Variants in TRHDE observed in about 807,000 individuals in gnomAD.
TRHDE encodes thyrotropin releasing hormone degrading enzyme, also known as thyrotropin-releasing hormone-degrading ectoenzyme.
In TRHDE, 72 loss-of-function variants were observed where a neutral mutation model predicts 125.7. That is an observed-to-expected ratio of 0.57 (90% CI 0.47 to 0.70). The LOEUF (loss-of-function observed/expected upper bound fraction) is 0.70, where lower values mean the gene tolerates loss of function less well. Ranked by LOEUF, TRHDE falls within the 30% of genes least tolerant of loss-of-function variation. The pLI is 0.00. For missense variants in TRHDE, 1,110 were observed against 1,327.1 expected, an observed-to-expected ratio of 0.84 and a Z score of 2.54; for synonymous variants, 509 against 509.1, an observed-to-expected ratio of 1.00 and a Z score of 0.00.
Position 72,670,204 on chromosome 12 carries a change from T to A in TRHDE, c.*7009T>A, listed in dbSNP as rs1182788359. 6.6e-6 allele frequency: 1 copy of A among 151,844 alleles called. No individual in the cohort carries two copies. Among genetic ancestry groups the A allele is most frequent in the Non-Finnish European group, 1.5e-5 (1 of 67,860 alleles). 9.4% of individuals were successfully genotyped at this position (151,844 alleles called of 1,614,324 possible). ...TATGATTTAGGAATTAAAAAGTAGC[T>A]GTTCTTTCAGTAAATAAGTGTTAAT... is the stretch of plus-strand genomic sequence containing the variant. On this transcript the variant is annotated 3_prime_UTR_variant, in exon 19 of 19. Transcript: ENST00000261180.
At chr12:72,186,107 C>T (rs544509831) in intron 2 of TRHDE, 1 of 152,544 alleles carries the variant, frequency 6.6e-6, no homozygotes, top group East Asian at 1.9e-4. Context: ...GGGTCCCCTT[C>T]CACATTGTGG....
chr12:72,562,308 ATTGAC>A (rs1870216493), intron 8 of TRHDE, 78 bp downstream of exon 8: 1 of 694,340 alleles, frequency 1.4e-6, no homozygotes, highest in African/African-American at 1.8e-5. Context: ...CATAGCCTTT[ATTGAC>A]ACCTGATAGT....
intron 7 of TRHDE, among the ~76,000 whole-genome samples, chr12:72,559,450 C>CTA (rs1165660276): frequency 6.6e-6 from 1 of 152,134 alleles, no homozygotes; most frequent in African/African-American, 2.4e-5. Flanking sequence ...AACCACTATG[C>CTA]TATGATACCT....
In TRHDE at chr12:72,575,338, G is replaced by A; in HGVS notation, c.2215G>A (p.Asp739Asn). 1 of 1,613,562 alleles carries A rather than the reference G, an allele frequency of 6.2e-7. No homozygotes were observed. The highest frequency in any genetic ancestry group is 8.5e-7 in the Non-Finnish European group (1 of 1,179,686). Residue 739 changes from aspartate to asparagine, a missense_variant, in exon 11 of 19, where the codon GAC becomes AAC. By Grantham distance (23) the Asp-to-Asn change is conservative. Around this residue, in one of 5 missense-constraint regions of TRHDE, gnomAD observed 527 missense variants for 651.8 expected, o/e 0.81. Coordinates refer to ENST00000261180, the MANE Select transcript of TRHDE (RefSeq NM_013381.3). ...NQTGYFRVNYDLRNWRLLIDQ... is the reference protein window; with the variant it reads ...NQTGYFRVNYNLRNWRLLIDQ... ...AACTGGCTATTTTAGAGTCAACTATGACCTAAGGAACTGGAGATTATTAAT... is the reference window on the plus strand; with the variant it reads ...AACTGGCTATTTTAGAGTCAACTATAACCTAAGGAACTGGAGATTATTAAT...
At chr12:72,497,569 C>T (rs1040289984) in intron 5 of TRHDE, among the ~76,000 whole-genome samples, 13 of 152,118 alleles carry the variant, frequency 8.5e-5, no homozygotes, top group Admixed American at 6.5e-4. Context: ...AATGGAATCA[C>T]ACTTTTAATT....
At chr12:72,582,124 A>AG (rs1319003083) in intron 12 of TRHDE, 1 of 388,358 alleles carries the variant, frequency 2.6e-6, no homozygotes, top group Non-Finnish European at 3.5e-6. Flanking sequence ...AAAAAAAAAA[A>AG]AAGTGCTGTA....
intron 2 of TRHDE, among the ~76,000 whole-genome samples, chr12:72,319,203 A>G (rs1868957852): frequency 1.3e-5 from 2 of 152,192 alleles, no homozygotes; most frequent in African/African-American, 2.4e-5. Context: ...AGAAAGGTCA[A>G]GTGCTGTAGC....
intron 15 of TRHDE, among the ~76,000 whole-genome samples, chr12:72,642,136 G>T (rs1874091623): frequency 1.3e-5 from 2 of 152,132 alleles, no homozygotes; most frequent in Non-Finnish European, 2.9e-5. Context: ...AGCCTCCAGT[G>T]CTGTGAGAAA....
At chr12:72,605,161 T>A (rs900380051) in intron 12 of TRHDE, among the ~76,000 whole-genome samples, 2 of 152,108 alleles carry the variant, frequency 1.3e-5, no homozygotes, top group Non-Finnish European at 2.9e-5. Context: ...CCTGGATGTT[T>A]TATAAACTAT....
At chr12:72,156,516 C>T (rs535863737) in intron 2 of TRHDE, among the ~76,000 whole-genome samples, 17 of 152,244 alleles carry the variant, frequency 1.1e-4, no homozygotes, top group Non-Finnish European at 2.2e-4. Flanking sequence ...TGGATCTGTT[C>T]CTATGCGGCC....
chr12:72,496,173 C>T (rs1246991810), intron 5 of TRHDE, among the ~76,000 whole-genome samples: 1 of 152,186 alleles, frequency 6.6e-6, no homozygotes, highest in African/African-American at 2.4e-5. Flanking sequence ...TGTGTACACA[C>T]TTACATACAC....
At chr12:72,238,319 TATAC>T (rs1157701916) in intron 2 of TRHDE, among the ~76,000 whole-genome samples, 310 of 28,640 alleles carry the variant, frequency 0.011, 27 homozygotes, top group Non-Finnish European at 0.016. Flanking sequence ...TATATATATA[TATAC>T]ATATATATAT....
At chr12:72,162,522 A>G (rs1876657855) in intron 2 of TRHDE, among the ~76,000 whole-genome samples, 1 of 152,186 alleles carries the variant, frequency 6.6e-6, no homozygotes, top group South Asian at 2.1e-4. Context: ...TTTCATTCAC[A>G]GTAGTGGCAG....
At chr12:72,312,828 C>G (rs1478078804) in intron 2 of TRHDE, among the ~76,000 whole-genome samples, 1 of 152,102 alleles carries the variant, frequency 6.6e-6, no homozygotes, top group Admixed American at 6.6e-5. Context: ...AAGTAGTGAC[C>G]TATACCTCCA....
intron 3 of TRHDE, among the ~76,000 whole-genome samples, chr12:72,457,938 T>G (rs746341534): frequency 4.0e-4 from 61 of 152,294 alleles, no homozygotes; most frequent in Non-Finnish European, 7.4e-4. Flanking sequence ...ATCTGTCAAT[T>G]AAAGAGTGTC....
intron 7 of TRHDE, among the ~76,000 whole-genome samples, chr12:72,543,789 TTGGAAAGG>T (rs1424340368): frequency 8.6e-6 from 1 of 116,518 alleles, no homozygotes; most frequent in Non-Finnish European, 1.8e-5. Flanking sequence ...GGATTATTAT[TTGGAAAGG>T]ATTATTATTA....
At chr12:72,376,232 G>C (rs1022346635) in intron 2 of TRHDE, among the ~76,000 whole-genome samples, 3 of 152,176 alleles carry the variant, frequency 2.0e-5, no homozygotes, top group African/African-American at 7.2e-5. Flanking sequence ...ACCTGAAATT[G>C]CACCCTTGCT....
At chr12:72,630,053 T>G (rs560633090) in intron 15 of TRHDE, among the ~76,000 whole-genome samples, 7 of 150,256 alleles carry the variant, frequency 4.7e-5, no homozygotes, top group Non-Finnish European at 1.0e-4. Context: ...TACATATATA[T>G]AAAGTATTTG....
chr12:72,533,723 G>GTTTTTTTTTTTTTTTTTTTTT, intron 6 of TRHDE, among the ~76,000 whole-genome samples: 1 of 97,896 alleles, frequency 1.0e-5, no homozygotes, highest in Non-Finnish European at 2.3e-5. Flanking sequence ...TTTTCTATTT[G>GTTTTTTTTTTTTTTTTTTTTT]TTTTTTTTTT....
Sources: gnomAD v4.1 joint callset for allele counts (sites outside exome capture counted in the v4.1 genomes callset) on GRCh38, gnomAD v4.1.1 for gene constraint, gnomAD v4.1.1 regional missense constraint, MANE v1.5 for transcripts, NCBI Gene and HGNC (gene_info 2026-07-23, HGNC 2026-07-21) for gene names.